ARMC2: variants seen among roughly 807,000 people sequenced by gnomAD.
The protein encoded by ARMC2 is armadillo repeat-containing protein 2.
In ARMC2, 67 loss-of-function variants were observed where a neutral mutation model predicts 90.3. That is an observed-to-expected ratio of 0.74 (90% CI 0.61 to 0.91). ARMC2 has a LOEUF of 0.91. Ranked by LOEUF, ARMC2 falls within the 40% of genes least tolerant of loss-of-function variation. The pLI is 0.00. For missense variants in ARMC2, 920 were observed against 1,030.9 expected (o/e 0.89, Z 1.47); for synonymous variants, 393 against 393.0 (o/e 1.00, Z 0.00).
chr6:109,005,949 A>G, the ARMC2 span, among the ~76,000 whole-genome samples: 6 of 152,218 alleles, frequency 3.9e-5, no homozygotes, highest in Non-Finnish European at 5.9e-5. Flanking sequence ...TGGGGTTTCT[A>G]GACTGTGGCT....
the ARMC2 span, among the ~76,000 whole-genome samples, chr6:109,028,223 G>C: frequency 0.05 from 7,596 of 152,174 alleles, 276 homozygotes; most frequent in Non-Finnish European, 0.068. Flanking sequence ...TATGATATTT[G>C]AAAATAAATC....
rs546301556 is a variant in ARMC2, at chr6:108,872,820, A to G, written c.464-3323A>G. Among the ~76,000 whole-genome samples the G allele has an allele frequency of 9.2e-5, 14 of 152,338 alleles. No individual in the cohort carries two copies. In the South Asian group the frequency reaches 2.3e-3, roughly 25 times the overall value. ...TGAGTTCCAGGGAACTCCAGGGAACACTTTTGGCAAAATGTTAATAGCTTC... is the reference window on the plus strand; with the variant it reads ...TGAGTTCCAGGGAACTCCAGGGAACGCTTTTGGCAAAATGTTAATAGCTTC... On this transcript the variant is annotated intron_variant, in intron 4 of 17. Coordinates refer to ENST00000392644, the MANE Select transcript of ARMC2 (RefSeq NM_032131.6).
chr6:108,948,716 A>G (rs1486738436), intron 12 of ARMC2, among the ~76,000 whole-genome samples: 2 of 151,884 alleles, frequency 1.3e-5, no homozygotes, highest in Non-Finnish European at 2.9e-5. Flanking sequence ...AATCTCGGCC[A>G]CGTTAGGACC....
At chr6:108,884,710 T>A (rs1777911395) in intron 5 of ARMC2, among the ~76,000 whole-genome samples, 1 of 152,162 alleles carries the variant, frequency 6.6e-6, no homozygotes, top group Admixed American at 6.5e-5. Context: ...TGGCCTTCAA[T>A]GCTACTCCCA....
At chr6:108,865,728 A>T (rs1316159110) in intron 3 of ARMC2, among the ~76,000 whole-genome samples, 1 of 152,090 alleles carries the variant, frequency 6.6e-6, no homozygotes, top group Non-Finnish European at 1.5e-5. Flanking sequence ...ACTCTTTATA[A>T]AATCTTTTGG....
intron 10 of ARMC2, among the ~76,000 whole-genome samples, chr6:108,922,418 C>T (rs1214595198): frequency 2.0e-5 from 3 of 152,112 alleles, no homozygotes; most frequent in African/African-American, 7.2e-5. Context: ...GATTACAGAC[C>T]TGAGCCACTG....
chr6:108,988,076 G>C, the ARMC2 span, among the ~76,000 whole-genome samples: 1 of 152,124 alleles, frequency 6.6e-6, no homozygotes, highest in Non-Finnish European at 1.5e-5. Flanking sequence ...TTACAGGTGT[G>C]AGCCACCATA....
chr6:109,019,552 C>T, the ARMC2 span, among the ~76,000 whole-genome samples: 10 of 152,168 alleles, frequency 6.6e-5, no homozygotes, highest in African/African-American at 2.4e-4. Flanking sequence ...CATTATCAGT[C>T]CTTTCAGCCC....
At chr6:108,991,999 T>A in the ARMC2 span, among the ~76,000 whole-genome samples, 1 of 152,196 alleles carries the variant, frequency 6.6e-6, no homozygotes, top group Non-Finnish European at 1.5e-5. Flanking sequence ...AATCCTAATG[T>A]CCCTCCATAA....
chr6:108,958,749 CACTT>C (rs1777777113), intron 13 of ARMC2, among the ~76,000 whole-genome samples: 1 of 152,244 alleles, frequency 6.6e-6, no homozygotes, highest in South Asian at 2.1e-4. Flanking sequence ...ATGTAATAAG[CACTT>C]ACTTAGCACC....
At chr6:109,008,187 G>C in the ARMC2 span, among the ~76,000 whole-genome samples, 38 of 152,238 alleles carry the variant, frequency 2.5e-4, no homozygotes, top group African/African-American at 9.1e-4. Flanking sequence ...ATCTGAGCAA[G>C]AACCAGGACT....
the ARMC2 span, among the ~76,000 whole-genome samples, chr6:108,982,535 T>C: frequency 1.3e-5 from 2 of 152,222 alleles, no homozygotes; most frequent in African/African-American, 4.8e-5. Context: ...TTTTAACTTT[T>C]TGAGGAACCT....
downstream of ARMC2, among the ~76,000 whole-genome samples, chr6:108,978,349 C>G (rs1309950011): frequency 6.6e-6 from 1 of 152,174 alleles, no homozygotes; most frequent in Admixed American, 6.5e-5. Flanking sequence ...TTTGATTGCA[C>G]TGTGGTCTGA....
the ARMC2 span, chr6:108,987,126 C>T: frequency 6.4e-6 from 1 of 156,352 alleles, no homozygotes; most frequent in Non-Finnish European, 1.4e-5. Context: ...TTCATTCCTC[C>T]AGCAGGAATA....
At chr6:109,009,462 T>G in the ARMC2 span, 5 of 1,299,980 alleles carry the variant, frequency 3.8e-6, no homozygotes, top group African/African-American at 7.7e-5. Flanking sequence ...CAAGCGCATG[T>G]CGGCGCGGGG....
the ARMC2 span, chr6:108,998,656 C>T: frequency 1.9e-6 from 3 of 1,613,654 alleles, no homozygotes; most frequent in East Asian, 4.5e-5. Context: ...ATTCCACAGC[C>T]GAATGTGAAT....
chr6:108,874,181 T>C (rs890245875), intron 4 of ARMC2, among the ~76,000 whole-genome samples: 1 of 152,020 alleles, frequency 6.6e-6, no homozygotes, highest in African/African-American at 2.4e-5. Context: ...GGAATGAGAG[T>C]GAGCCCCCCA....
chr6:108,981,792 A>G, the ARMC2 span, among the ~76,000 whole-genome samples: 1 of 151,562 alleles, frequency 6.6e-6, no homozygotes, highest in African/African-American at 2.4e-5. Context: ...TCAGCCTTCC[A>G]AGTAGCTGGG....
intron 5 of ARMC2, among the ~76,000 whole-genome samples, chr6:108,892,237 C>G (rs919675090): frequency 3.9e-5 from 6 of 152,190 alleles, no homozygotes; most frequent in Admixed American, 2.6e-4. Context: ...CACACCCTGA[C>G]AAACTTGGTA....
Sources: gnomAD v4.1 joint callset for allele counts (sites outside exome capture counted in the v4.1 genomes callset) on GRCh38, gnomAD v4.1.1 for gene constraint, MANE v1.5 for transcripts, NCBI Gene and HGNC (gene_info 2026-07-23, HGNC 2026-07-21) for gene names.